The following TANC2 variants were observed in gnomAD, a reference collection of about 807,000 sequenced individuals.
TANC2 encodes tetratricopeptide repeat, ankyrin repeat and coiled-coil containing 2.
TANC2 carries 26 observed loss-of-function variants against 210.5 expected under a neutral mutation model. The observed-to-expected ratio is 0.12, with a 90% confidence interval of 0.09 to 0.17. The LOEUF (loss-of-function observed/expected upper bound fraction) is 0.17. Ranked by LOEUF, TANC2 falls within the 10% of genes least tolerant of loss-of-function variation. The probability of loss-of-function intolerance (pLI) is 1.00; values close to 1 mark genes in which losing one functional copy is unlikely to be tolerated. For synonymous variants in TANC2, 931 were observed against 967.1 expected (o/e 0.96, Z 0.69); for missense variants, 2,129 against 2,608.9 (o/e 0.82, Z 4.01).
At chr17:63,278,419 A>T (rs1056066587) in intron 9 of TANC2, among the ~76,000 whole-genome samples, 1 of 152,120 alleles carries the variant, frequency 6.6e-6, no homozygotes, top group African/African-American at 2.4e-5. Flanking sequence ...CAAAACCATA[A>T]TGAGATAGTA....
intron 1 of TANC2, among the ~76,000 whole-genome samples, chr17:63,001,233 G>GT (rs1315041498): frequency 6.6e-6 from 1 of 152,110 alleles, no homozygotes; most frequent in African/African-American, 2.4e-5. Flanking sequence ...AATATTCTTG[G>GT]TTTTCCCTCA....
chr17:63,095,130 G>A (rs765052350), intron 3 of TANC2, among the ~76,000 whole-genome samples: 1 of 151,944 alleles, frequency 6.6e-6, no homozygotes, highest in Non-Finnish European at 1.5e-5. Flanking sequence ...TTGGCTCCAT[G>A]AGTTCCTTGG....
intron 12 of TANC2, among the ~76,000 whole-genome samples, chr17:63,347,785 G>A (rs889482166): frequency 6.6e-6 from 1 of 151,980 alleles, no homozygotes; most frequent in Non-Finnish European, 1.5e-5. Flanking sequence ...GTTTTGTTTC[G>A]TTTTGTTGGG....
At chr17:62,999,843 T>C (rs1489730828) in intron 1 of TANC2, among the ~76,000 whole-genome samples, 1 of 152,158 alleles carries the variant, frequency 6.6e-6, no homozygotes, top group Non-Finnish European at 1.5e-5. Context: ...ACCTAAATGC[T>C]CATCAGCGGT....
chr17:62,995,651 C>A (rs2033073822), intron 1 of TANC2, among the ~76,000 whole-genome samples: 2 of 152,208 alleles, frequency 1.3e-5, no homozygotes, highest in African/African-American at 4.8e-5. Context: ...ACATACAAGG[C>A]TGACTGTGGA....
intron 2 of TANC2, among the ~76,000 whole-genome samples, chr17:63,068,134 C>G (rs895845718): frequency 6.6e-6 from 1 of 151,986 alleles, no homozygotes; most frequent in African/African-American, 2.4e-5. Context: ...CATCAGAAAA[C>G]GTGCAGATCA....
intron 7 of TANC2, among the ~76,000 whole-genome samples, chr17:63,222,839 TC>T (rs1391410269): frequency 6.6e-6 from 1 of 152,018 alleles, no homozygotes; most frequent in African/African-American, 2.4e-5. Flanking sequence ...ACATGAATGT[TC>T]CCAGCAGCAG....
intron 9 of TANC2, among the ~76,000 whole-genome samples, chr17:63,270,206 C>A (rs1435798601): frequency 1.3e-5 from 2 of 152,112 alleles, no homozygotes; most frequent in Non-Finnish European, 2.9e-5. Flanking sequence ...CAATAATCCT[C>A]TCTCAAAAAG....
chr17:63,191,008 C>CT (rs571565378), intron 5 of TANC2, among the ~76,000 whole-genome samples: 3 of 151,986 alleles, frequency 2.0e-5, no homozygotes, highest in Non-Finnish European at 4.4e-5. Flanking sequence ...GGGAAAAAGG[C>CT]TATCTTTATT....
chr17:63,054,952 C>T (rs564092181), intron 2 of TANC2, among the ~76,000 whole-genome samples: 1 of 152,274 alleles, frequency 6.6e-6, no homozygotes, highest in East Asian at 1.9e-4. Flanking sequence ...AGACAACCTC[C>T]TTCAACATTT....
At chr17:63,158,135 C>G (rs918886688) in intron 5 of TANC2, among the ~76,000 whole-genome samples, 2 of 152,060 alleles carry the variant, frequency 1.3e-5, no homozygotes, top group African/African-American at 4.8e-5. Flanking sequence ...GTGTCTAGTT[C>G]AGGCTTGGGA....
chr17:63,163,250 T>G (rs2040089127), intron 5 of TANC2, among the ~76,000 whole-genome samples: 1 of 152,078 alleles, frequency 6.6e-6, no homozygotes, highest in South Asian at 2.1e-4. Context: ...TATGGACAGT[T>G]TGTAGTCATT....
At chr17:63,227,804 G>GT (rs2042367060) in intron 7 of TANC2, among the ~76,000 whole-genome samples, 2 of 152,204 alleles carry the variant, frequency 1.3e-5, no homozygotes, top group East Asian at 3.9e-4. Flanking sequence ...AAGGGGTCCA[G>GT]TTTTAGTTTT....
chr17:63,062,361 CT>C (rs2036026619), intron 2 of TANC2, among the ~76,000 whole-genome samples: 1 of 152,156 alleles, frequency 6.6e-6, no homozygotes, highest in Admixed American at 6.5e-5. Flanking sequence ...TTTCTCTTTT[CT>C]TTGTCCCTTT....
chr17:63,178,206 G>A (rs1489135561), intron 5 of TANC2, among the ~76,000 whole-genome samples: 3 of 152,114 alleles, frequency 2.0e-5, no homozygotes, highest in African/African-American at 4.8e-5. Flanking sequence ...GGTGGAGGGC[G>A]CCTGTAGTCC....
chr17:63,087,648 C>G (rs543529722), intron 3 of TANC2, among the ~76,000 whole-genome samples: 1 of 152,170 alleles, frequency 6.6e-6, no homozygotes, highest in African/African-American at 2.4e-5. Flanking sequence ...TCAATACTGA[C>G]TGAGAGTCTC....
rs200348005 is a variant in TANC2, at chr17:63,123,891, T to C, written c.322+24534T>C. ...TGATTTTTTTTATTTTTAGTAGAGA[T>C]GGGGTTTCACCATCTTGGCCAGGCT... On this transcript the variant is annotated intron_variant, in intron 4 of 27. Transcript: ENST00000689528. Among the ~76,000 whole-genome samples, 11 of 151,810 alleles carry C rather than the reference T, an allele frequency of 7.2e-5. No homozygotes were observed. In the South Asian group the frequency reaches 1.0e-3, roughly 14 times the overall value.
chr17:63,310,671 CAT>C (rs907910388), intron 9 of TANC2, among the ~76,000 whole-genome samples: 1 of 152,108 alleles, frequency 6.6e-6, no homozygotes, highest in African/African-American at 2.4e-5. Flanking sequence ...AGCCAATACA[CAT>C]GTTTTTAAAA....
chr17:63,029,076 T>C (rs945966745), intron 2 of TANC2, among the ~76,000 whole-genome samples: 2 of 152,150 alleles, frequency 1.3e-5, no homozygotes, highest in Non-Finnish European at 2.9e-5. Context: ...GTTCATCTCT[T>C]CATACAGTTG....
Sources: allele counts gnomAD v4.1 joint callset (sites outside exome capture counted in the v4.1 genomes callset), GRCh38; gene constraint gnomAD v4.1.1; transcripts MANE v1.5; gene names NCBI Gene and HGNC (gene_info 2026-07-23, HGNC 2026-07-21).